Variants in FRAS1 observed in about 807,000 individuals in gnomAD.
The protein encoded by FRAS1 is extracellular matrix organizing protein FRAS1.
In FRAS1, 290 loss-of-function variants were observed where a neutral mutation model predicts 435.2. The ratio of observed to expected loss-of-function variants is 0.67; its 90% CI spans 0.61 to 0.73. The LOEUF (loss-of-function observed/expected upper bound fraction) is 0.73. Among genes scored for constraint, FRAS1 ranks in the 30% least tolerant of loss-of-function variants. FRAS1 has a pLI of 0.00. For synonymous variants in FRAS1, 1,800 were observed against 1,851.0 expected (o/e 0.97, Z 0.71); for missense variants, 4,860 against 5,001.5 (o/e 0.97, Z 0.85).
At chr4:78,379,610 G>A in intron 26 of FRAS1, 116 bp from the exon 27 acceptor site, 1 of 975,242 alleles carries the variant, frequency 1.0e-6, no homozygotes, top group Non-Finnish European at 1.6e-6. Flanking sequence ...CTTATTTTGT[G>A]TTTATTCTCT....
chr4:78,132,516 G>C (rs186303382), intron 2 of FRAS1, among the ~76,000 whole-genome samples: 26 of 152,284 alleles, frequency 1.7e-4, no homozygotes, highest in African/African-American at 6.3e-4. Context: ...TTACAGAATT[G>C]TAAGCACCTT....
chr4:78,441,561 G>C (rs1382800883), intron 41 of FRAS1, among the ~76,000 whole-genome samples: 4 of 152,138 alleles, frequency 2.6e-5, no homozygotes, highest in African/African-American at 7.2e-5. Flanking sequence ...AATTCTGGTG[G>C]GGGGGTGAGA....
intron 7 of FRAS1, among the ~76,000 whole-genome samples, chr4:78,266,320 A>G (rs1726353483): frequency 6.6e-6 from 1 of 152,180 alleles, no homozygotes; most frequent in African/African-American, 2.4e-5. Context: ...AGCTATTACT[A>G]AAGGTTGGTA....
intron 9 of FRAS1, among the ~76,000 whole-genome samples, chr4:78,268,181 A>G (rs940949833): frequency 1.3e-5 from 2 of 152,184 alleles, no homozygotes; most frequent in Non-Finnish European, 2.9e-5. Flanking sequence ...GAACTTGAGT[A>G]GATGAGGGAA....
At chr4:78,347,808 T>C (rs1248998449) in intron 20 of FRAS1, among the ~76,000 whole-genome samples, 1 of 144,702 alleles carries the variant, frequency 6.9e-6, no homozygotes, top group Non-Finnish European at 1.5e-5. Context: ...TTTTTTTTGG[T>C]CATCCCTTCC....
At chr4:78,155,391 G>C (rs1358540030) in intron 2 of FRAS1, among the ~76,000 whole-genome samples, 1 of 152,176 alleles carries the variant, frequency 6.6e-6, no homozygotes, top group Non-Finnish European at 1.5e-5. Context: ...AACAGATGTA[G>C]TTTTGCTCCA....
intron 72 of FRAS1, among the ~76,000 whole-genome samples, chr4:78,539,009 A>G (rs1228742328): frequency 6.6e-6 from 1 of 151,986 alleles, no homozygotes; most frequent in Non-Finnish European, 1.5e-5. Flanking sequence ...TATCACAAGA[A>G]CATCATAGAG....
At chr4:78,494,931 G>A (rs556686526) in intron 59 of FRAS1, among the ~76,000 whole-genome samples, 1 of 152,194 alleles carries the variant, frequency 6.6e-6, no homozygotes, top group African/African-American at 2.4e-5. Flanking sequence ...ACTTGTGTTG[G>A]AATACTTTAC....
At chr4:78,494,461 T>A (rs1045363747) in intron 59 of FRAS1, among the ~76,000 whole-genome samples, 1 of 152,058 alleles carries the variant, frequency 6.6e-6, no homozygotes, top group African/African-American at 2.4e-5. Flanking sequence ...GGAGCAGGCA[T>A]CATCACATGG....
intron 2 of FRAS1, among the ~76,000 whole-genome samples, chr4:78,122,798 T>C (rs1161215402): frequency 6.6e-6 from 1 of 152,238 alleles, no homozygotes; most frequent in East Asian, 1.9e-4. Flanking sequence ...TCTGTTCATA[T>C]CCTTTGCCCA....
chr4:78,092,758 G>A (rs985982833), intron 2 of FRAS1, among the ~76,000 whole-genome samples: 1 of 152,172 alleles, frequency 6.6e-6, no homozygotes, highest in Non-Finnish European at 1.5e-5. Flanking sequence ...GCTCCATAAA[G>A]AGCCTTTTTC....
intron 34 of FRAS1, among the ~76,000 whole-genome samples, chr4:78,422,744 A>G (rs1250010135): frequency 6.6e-6 from 1 of 152,188 alleles, no homozygotes; most frequent in East Asian, 1.9e-4. Context: ...GGTATAGGGA[A>G]CTAGGGAATG....
chr4:78,528,278 CA>C (rs1390460337), intron 70 of FRAS1, among the ~76,000 whole-genome samples: 2 of 152,116 alleles, frequency 1.3e-5, no homozygotes, highest in Non-Finnish European at 2.9e-5. Context: ...TAAAATTGTA[CA>C]TATTTAAACT....
At chr4:78,312,422 T>C (rs1443938111) in intron 15 of FRAS1, among the ~76,000 whole-genome samples, 3 of 152,108 alleles carry the variant, frequency 2.0e-5, no homozygotes, top group African/African-American at 7.2e-5. Context: ...TTAATTTCTA[T>C]GGCTTTGTAG....
intron 2 of FRAS1, among the ~76,000 whole-genome samples, chr4:78,161,061 C>T (rs2110024001): frequency 6.6e-6 from 1 of 152,014 alleles, no homozygotes; most frequent in African/African-American, 2.4e-5. Context: ...ATTGCTGGAA[C>T]CCAGAAAGCA....
chr4:78,146,909 A>G (rs968661064), intron 2 of FRAS1, among the ~76,000 whole-genome samples: 8 of 152,034 alleles, frequency 5.3e-5, no homozygotes, highest in Non-Finnish European at 8.8e-5. Flanking sequence ...ATGTGTTTTC[A>G]TAATTTATTC....
chr4:78,185,550 T>C (rs771553422), intron 2 of FRAS1, among the ~76,000 whole-genome samples: 2 of 152,212 alleles, frequency 1.3e-5, no homozygotes, highest in African/African-American at 4.8e-5. Context: ...TTTTTTAATC[T>C]AATAAAGTTA....
At chr4:78,173,800 T>C (rs1337655619) in intron 2 of FRAS1, among the ~76,000 whole-genome samples, 2 of 152,230 alleles carry the variant, frequency 1.3e-5, no homozygotes, top group Non-Finnish European at 2.9e-5. Flanking sequence ...ACTGGGAGGC[T>C]ATGGAGAAAG....
intron 4 of FRAS1, among the ~76,000 whole-genome samples, chr4:78,248,278 G>A (rs1226721737): frequency 5.3e-5 from 8 of 152,204 alleles, no homozygotes; most frequent in African/African-American, 1.9e-4. Context: ...GCCTCGCCAT[G>A]CCAACCAGCC....
Sources: gnomAD v4.1 joint callset for allele counts (sites outside exome capture counted in the v4.1 genomes callset) on GRCh38, gnomAD v4.1.1 for gene constraint, MANE v1.5 for transcripts, NCBI Gene and HGNC (gene_info 2026-07-23, HGNC 2026-07-21) for gene names.